Variants in NRCAM observed in about 807,000 individuals in gnomAD.
NRCAM encodes NgCAM-related cell adhesion molecule.
In NRCAM, 83 loss-of-function variants were observed where a neutral mutation model predicts 156.5. The ratio of observed to expected loss-of-function variants is 0.53; its 90% CI spans 0.44 to 0.64. The LOEUF (loss-of-function observed/expected upper bound fraction) is 0.64. Among genes scored for constraint, NRCAM ranks in the 30% least tolerant of loss-of-function variants. The pLI is 0.00. For synonymous variants in NRCAM, 538 were observed against 563.9 expected, an observed-to-expected ratio of 0.95 and a Z score of 0.65; for missense variants, 1,417 against 1,597.3, an observed-to-expected ratio of 0.89 and a Z score of 1.92.
In NRCAM at chr7:108,416,283, A is replaced by G. The variant is rs532390315; in HGVS notation, c.-331-16690T>C. ...AGCAGAAAAACAGCACATTTCTTTT[A>G]TAGTATCATAGTGTCTATTTTAATC... On this transcript the variant is annotated intron_variant, in intron 1 of 32. Transcript: ENST00000379028. Among the ~76,000 whole-genome samples, 10 of 152,344 alleles carry G rather than the reference A, an allele frequency of 6.6e-5. No individual in the cohort carries two copies. The South Asian group carries it at 2.1e-3, about 32-fold the overall frequency.
At chr7:108,439,422 C>T (rs79278773) in intron 1 of NRCAM, among the ~76,000 whole-genome samples, 5 of 152,094 alleles carry the variant, frequency 3.3e-5, no homozygotes, top group African/African-American at 1.2e-4. Context: ...TTCTAAAAAC[C>T]GGCAAAACAT....
chr7:108,193,850 C>T (rs1432836093), intron 17 of NRCAM, among the ~76,000 whole-genome samples, 174 bp downstream of exon 17: 1 of 152,144 alleles, frequency 6.6e-6, no homozygotes, highest in African/African-American at 2.4e-5. Flanking sequence ...TCACCTGATA[C>T]CTTCTTGGGT....
intron 3 of NRCAM, among the ~76,000 whole-genome samples, chr7:108,248,941 C>T (rs184457157): frequency 5.6e-4 from 84 of 150,236 alleles, no homozygotes; most frequent in African/African-American, 1.8e-3. Context: ...TGTTTCATCT[C>T]GGCGATTAGT....
At chr7:108,203,448 A>AG (rs1034165862) in intron 13 of NRCAM, among the ~76,000 whole-genome samples, 4 of 29,358 alleles carry the variant, frequency 1.4e-4, no homozygotes, top group Non-Finnish European at 2.2e-4. Flanking sequence ...TAATTTTTCC[A>AG]GTTTTTTTTT....
At chr7:108,302,729 T>TTC (rs2098646689) in intron 3 of NRCAM, among the ~76,000 whole-genome samples, 1 of 152,138 alleles carries the variant, frequency 6.6e-6, no homozygotes, top group Admixed American at 6.5e-5. Context: ...CTAACTGCTT[T>TTC]TCTCATCTTC....
At chr7:108,434,307 T>G (rs767693852) in intron 1 of NRCAM, among the ~76,000 whole-genome samples, 20 of 152,196 alleles carry the variant, frequency 1.3e-4, no homozygotes, top group Admixed American at 2.6e-4. Context: ...GTTTAAGTTT[T>G]TACTGGAAAG....
At chr7:108,174,737 A>C (rs915179012) in intron 28 of NRCAM, among the ~76,000 whole-genome samples, 1 of 152,252 alleles carries the variant, frequency 6.6e-6, no homozygotes, top group Non-Finnish European at 1.5e-5. Context: ...GATGGGTGGG[A>C]TAACACATTT....
intron 30 of NRCAM, among the ~76,000 whole-genome samples, chr7:108,164,990 C>A (rs564761904): frequency 6.6e-6 from 1 of 152,288 alleles, no homozygotes; most frequent in African/African-American, 2.4e-5. Context: ...ACAAATGCTA[C>A]AACTTGATTT....
intron 2 of NRCAM, among the ~76,000 whole-genome samples, chr7:108,393,010 G>A (rs897898176): frequency 6.6e-6 from 1 of 152,172 alleles, no homozygotes; most frequent in African/African-American, 2.4e-5. Context: ...CTACTCGGAG[G>A]TCAGGGACCC....
intron 1 of NRCAM, among the ~76,000 whole-genome samples, chr7:108,421,969 T>A (rs1810542333): frequency 6.6e-6 from 1 of 152,220 alleles, no homozygotes; most frequent in African/African-American, 2.4e-5. Flanking sequence ...AACGAAGGTA[T>A]GTTTATGGCA....
intron 3 of NRCAM, among the ~76,000 whole-genome samples, chr7:108,306,045 T>A (rs766194630): frequency 6.6e-6 from 1 of 152,226 alleles, no homozygotes; most frequent in Non-Finnish European, 1.5e-5. Flanking sequence ...AACAACCATT[T>A]AAAATAATAG....
chr7:108,448,364 T>G (rs924372123), intron 1 of NRCAM, among the ~76,000 whole-genome samples: 7 of 152,232 alleles, frequency 4.6e-5, no homozygotes, highest in Non-Finnish European at 8.8e-5. Context: ...TTCATTTGAA[T>G]GTACTAAATA....
At chr7:108,334,170 G>C (rs1361924096) in intron 2 of NRCAM, among the ~76,000 whole-genome samples, 1 of 152,112 alleles carries the variant, frequency 6.6e-6, no homozygotes, top group African/African-American at 2.4e-5. Context: ...ACATGTTTAT[G>C]GATGTGCCAT....
At chr7:108,404,169 G>C (rs764198476) in intron 1 of NRCAM, among the ~76,000 whole-genome samples, 2 of 152,176 alleles carry the variant, frequency 1.3e-5, no homozygotes, top group Admixed American at 6.5e-5. Context: ...AGAGCCCGAT[G>C]CACGAGCCTA....
At chr7:108,185,510 T>C (rs1274846382) in intron 20 of NRCAM, among the ~76,000 whole-genome samples, 1 of 152,062 alleles carries the variant, frequency 6.6e-6, no homozygotes, top group East Asian at 1.9e-4. Flanking sequence ...CCCAGGTGGA[T>C]GGAGTCCAGG....
intron 8 of NRCAM, among the ~76,000 whole-genome samples, chr7:108,230,429 T>TA (rs1232169413): frequency 6.6e-6 from 1 of 152,176 alleles, no homozygotes; most frequent in African/African-American, 2.4e-5. Context: ...GTGATACTGT[T>TA]ACTACTTATT....
intron 1 of NRCAM, among the ~76,000 whole-genome samples, chr7:108,428,218 T>C (rs1819900430): frequency 6.6e-6 from 1 of 152,222 alleles, no homozygotes; most frequent in South Asian, 2.1e-4. Context: ...ATTCATAGGT[T>C]TTCTACACAC....
chr7:108,310,642 A>G (rs1401182930), intron 3 of NRCAM, among the ~76,000 whole-genome samples: 2 of 152,204 alleles, frequency 1.3e-5, no homozygotes, highest in African/African-American at 4.8e-5. Context: ...CAGAGGCCAA[A>G]TACTTGAATA....
At chr7:108,175,173 A>C (rs2060011408) in intron 28 of NRCAM, 149 bp downstream of exon 28, 1 of 639,782 alleles carries the variant, frequency 1.6e-6, no homozygotes, top group South Asian at 2.6e-5. Flanking sequence ...AAGGACTAGA[A>C]ATTAATTTTA....
Sources: allele counts gnomAD v4.1 joint callset (sites outside exome capture counted in the v4.1 genomes callset), GRCh38; gene constraint gnomAD v4.1.1; transcripts MANE v1.5; gene names NCBI Gene and HGNC (gene_info 2026-07-23, HGNC 2026-07-21).